Variants in ST3GAL3 observed in about 807,000 individuals in gnomAD.
ST3GAL3 encodes the protein ST3 beta-galactoside alpha-2,3-sialyltransferase 3, also known as CMP-N-acetylneuraminate-beta-1,4-galactoside alpha-2,3-sialyltransferase.
Under a neutral mutation model 50.1 loss-of-function variants are expected in ST3GAL3, and 21 were observed. That is an observed-to-expected ratio of 0.42 (90% CI 0.30 to 0.60). The LOEUF (loss-of-function observed/expected upper bound fraction) is 0.60, where lower values mean the gene tolerates loss of function less well. Ranked by LOEUF, ST3GAL3 falls within the 20% of genes least tolerant of loss-of-function variation. The pLI is 0.19. For missense variants in ST3GAL3, 353 were observed against 489.4 expected (o/e 0.72, Z 2.63); for synonymous variants, 183 against 190.0 (o/e 0.96, Z 0.30).
chr1:43,837,741 C>T (rs957578782), intron 4 of ST3GAL3, among the ~76,000 whole-genome samples: 3 of 152,150 alleles, frequency 2.0e-5, no homozygotes, highest in Admixed American at 6.5e-5. Context: ...GAGGCCAAGG[C>T]GAGAGGATCG....
At position 43,920,384 on chromosome 1, in the gene ST3GAL3, C is replaced by T. The variant is rs374443638; in HGVS notation, c.745-20C>T. The T allele has an allele frequency of 1.9e-4, 307 of 1,614,088 alleles. 1 individual carries two copies. In the African/African-American group the frequency reaches 3.2e-3, roughly 17 times the overall value. ...CCTTGCTGTGTGCCTCGTTGAGGCC[C>T]GCTTTTGCTGTGTCCACAGAGTGCA... On this transcript the variant is annotated intron_variant, in intron 9 of 11. Coordinates refer to ENST00000347631, the MANE Select transcript of ST3GAL3 (RefSeq NM_006279.5).
intron 2 of ST3GAL3, among the ~76,000 whole-genome samples, chr1:43,750,115 G>T (rs544643257): frequency 6.6e-6 from 1 of 152,056 alleles, no homozygotes. Context: ...ATCATTAGAC[G>T]TCAGGGAAAG....
chr1:43,750,991 A>G (rs1210285618), intron 2 of ST3GAL3, among the ~76,000 whole-genome samples: 1 of 152,154 alleles, frequency 6.6e-6, no homozygotes, highest in Non-Finnish European at 1.5e-5. Context: ...TTTGGTATAT[A>G]TGACAGAGAG....
intron 2 of ST3GAL3, among the ~76,000 whole-genome samples, chr1:43,750,114 C>G (rs1002533037): frequency 6.6e-6 from 1 of 152,042 alleles, no homozygotes. Flanking sequence ...CATCATTAGA[C>G]GTCAGGGAAA....
chr1:43,736,654 A>C, intron 2 of ST3GAL3: 2 of 537,040 alleles, frequency 3.7e-6, no homozygotes, highest in Non-Finnish European at 6.7e-6. Flanking sequence ...AACTATACTC[A>C]TACTTCTAGT....
chr1:43,893,416 G>T (rs1343524155), intron 5 of ST3GAL3, among the ~76,000 whole-genome samples: 1 of 152,228 alleles, frequency 6.6e-6, no homozygotes, highest in Non-Finnish European at 1.5e-5. Context: ...CATCTTTGGG[G>T]CTGCCAGGTT....
At chr1:43,823,224 C>T (rs1217549767) in intron 4 of ST3GAL3, among the ~76,000 whole-genome samples, 2 of 152,178 alleles carry the variant, frequency 1.3e-5, no homozygotes, top group East Asian at 1.9e-4. Flanking sequence ...GATCTTGTTA[C>T]TCCTGTGATC....
At chr1:43,743,572 T>G (rs1682046144) in intron 2 of ST3GAL3, 4 of 387,834 alleles carry the variant, frequency 1.0e-5, no homozygotes, top group African/African-American at 4.2e-5. Flanking sequence ...GAAAGCTTAT[T>G]GTGAATGAGA....
chr1:43,803,135 A>G (rs536453106), intron 3 of ST3GAL3, among the ~76,000 whole-genome samples: 40 of 152,238 alleles, frequency 2.6e-4, no homozygotes, highest in Non-Finnish European at 4.6e-4. Context: ...TGTATTGGCC[A>G]GGCTGGTCTT....
At chr1:43,778,882 C>T (rs1167321523) in intron 2 of ST3GAL3, among the ~76,000 whole-genome samples, 1 of 151,908 alleles carries the variant, frequency 6.6e-6, no homozygotes, top group Admixed American at 6.6e-5. Context: ...CTCCTAACCT[C>T]GTGATCCACC....
chr1:43,929,341 G>C (rs1179000549), intron 11 of ST3GAL3, among the ~76,000 whole-genome samples: 1 of 149,854 alleles, frequency 6.7e-6, no homozygotes, highest in Non-Finnish European at 1.5e-5. Context: ...ATCTCTCTCT[G>C]TTGCCCAGGC....
At chr1:43,890,078 T>C (rs1017766271) in intron 5 of ST3GAL3, among the ~76,000 whole-genome samples, 5 of 152,228 alleles carry the variant, frequency 3.3e-5, no homozygotes, top group African/African-American at 4.8e-5. Flanking sequence ...ATCACACCAC[T>C]GTACTTTAGC....
At chr1:43,717,871 A>G (rs928907626) in intron 1 of ST3GAL3, among the ~76,000 whole-genome samples, 3 of 145,838 alleles carry the variant, frequency 2.1e-5, no homozygotes, top group African/African-American at 7.5e-5. Context: ...CCTATCATGA[A>G]TTTTTTTTTT....
At chr1:43,800,849 A>C (rs940345850) in intron 3 of ST3GAL3, among the ~76,000 whole-genome samples, 13 of 152,200 alleles carry the variant, frequency 8.5e-5, no homozygotes, top group African/African-American at 3.1e-4. Flanking sequence ...CACCCAAGCC[A>C]TGGCATATAT....
chr1:43,860,691 G>T (rs539433072), intron 5 of ST3GAL3, among the ~76,000 whole-genome samples: 6 of 152,318 alleles, frequency 3.9e-5, no homozygotes, highest in Admixed American at 1.3e-4. Flanking sequence ...TGAGCAGCAG[G>T]TCTCTTCCTG....
intron 3 of ST3GAL3, among the ~76,000 whole-genome samples, chr1:43,798,332 T>C (rs2058928386): frequency 6.6e-6 from 1 of 152,152 alleles, no homozygotes; most frequent in Non-Finnish European, 1.5e-5. Flanking sequence ...AATCGGATCC[T>C]GTCTTGTTAC....
intron 9 of ST3GAL3, among the ~76,000 whole-genome samples, chr1:43,903,285 G>A (rs2078601945): frequency 6.6e-6 from 1 of 152,196 alleles, no homozygotes; most frequent in African/African-American, 2.4e-5. Context: ...CCAGAGGACG[G>A]AGCCCTGGGG....
chr1:43,925,557 T>C (rs1042063983), intron 11 of ST3GAL3, among the ~76,000 whole-genome samples: 1 of 152,204 alleles, frequency 6.6e-6, no homozygotes, highest in Non-Finnish European at 1.5e-5. Flanking sequence ...CAGAAGAGGA[T>C]TCACTGAGAA....
chr1:43,763,371 T>TA (rs1181511795), intron 2 of ST3GAL3, among the ~76,000 whole-genome samples: 40 of 152,202 alleles, frequency 2.6e-4, no homozygotes, highest in Non-Finnish European at 5.0e-4. Flanking sequence ...TCCTTACAAT[T>TA]ACGAGATACT....
Sources: gnomAD v4.1 joint callset for allele counts (sites outside exome capture counted in the v4.1 genomes callset) on GRCh38, gnomAD v4.1.1 for gene constraint, MANE v1.5 for transcripts, NCBI Gene and HGNC (gene_info 2026-07-23, HGNC 2026-07-21) for gene names.